The following KIAA0513 variants were observed in gnomAD, a reference collection of about 807,000 sequenced individuals.
KIAA0513 encodes KIAA0513, also known as uncharacterized protein KIAA0513.
A neutral mutation model predicts 56.5 loss-of-function variants in KIAA0513; 39 were observed. The ratio of observed to expected loss-of-function variants is 0.69; its 90% CI spans 0.53 to 0.90. The LOEUF (loss-of-function observed/expected upper bound fraction) is 0.90, where lower values mean the gene tolerates loss of function less well. Among genes scored for constraint, KIAA0513 ranks in the 40% least tolerant of loss-of-function variants. KIAA0513 has a pLI of 0.00. For missense variants in KIAA0513, 591 were observed against 535.2 expected (o/e 1.10, Z -1.03); for synonymous variants, 268 against 215.6 (o/e 1.24, Z -2.13).
At chr16:85,039,579 C>T (rs1420136660) in intron 1 of KIAA0513, among the ~76,000 whole-genome samples, 1 of 152,206 alleles carries the variant, frequency 6.6e-6, no homozygotes, top group Non-Finnish European at 1.5e-5. Flanking sequence ...ACTGGGACTA[C>T]AGACTTGGGA....
intron 1 of KIAA0513, among the ~76,000 whole-genome samples, chr16:85,046,243 A>G (rs1003292936): frequency 1.3e-5 from 2 of 152,198 alleles, no homozygotes; most frequent in African/African-American, 4.8e-5. Flanking sequence ...TCTTTCACAC[A>G]TGGCTATTCT....
chr16:85,047,515 G>T (rs550136425), intron 1 of KIAA0513, among the ~76,000 whole-genome samples: 4 of 152,294 alleles, frequency 2.6e-5, no homozygotes, highest in Non-Finnish European at 4.4e-5. Flanking sequence ...AAAAGCCAGC[G>T]GGTTTTTCAC....
intron 1 of KIAA0513, among the ~76,000 whole-genome samples, chr16:85,059,763 A>G (rs1049160421): frequency 6.6e-6 from 1 of 152,196 alleles, no homozygotes; most frequent in Non-Finnish European, 1.5e-5. Flanking sequence ...GCCAGGGAAG[A>G]TCTTCAGCTT....
chr16:85,034,306 G>T (rs537311181), intron 1 of KIAA0513, among the ~76,000 whole-genome samples: 23 of 152,278 alleles, frequency 1.5e-4, no homozygotes, highest in African/African-American at 4.3e-4. Context: ...CTTGAACCTG[G>T]GGGGTGGAGG....
intron 1 of KIAA0513, among the ~76,000 whole-genome samples, chr16:85,038,567 G>A (rs762122697): frequency 1.3e-5 from 2 of 151,898 alleles, no homozygotes; most frequent in Non-Finnish European, 1.5e-5. Flanking sequence ...AGATAGCTGG[G>A]CGTGGTGGTG....
At chr16:85,086,002 A>G (rs894763425) in intron 10 of KIAA0513, among the ~76,000 whole-genome samples, 3 of 152,206 alleles carry the variant, frequency 2.0e-5, no homozygotes, top group African/African-American at 7.2e-5. Context: ...GGAGGGGACT[A>G]GAGAGAGCAT....
chr16:85,036,060 C>T (rs975991127), intron 1 of KIAA0513, among the ~76,000 whole-genome samples: 1 of 152,040 alleles, frequency 6.6e-6, no homozygotes, highest in Non-Finnish European at 1.5e-5. Context: ...AGCAATCCTA[C>T]CGCCTTGGCC....
At chr16:85,046,227 G>T (rs1281518265) in intron 1 of KIAA0513, among the ~76,000 whole-genome samples, 3 of 152,196 alleles carry the variant, frequency 2.0e-5, no homozygotes, top group African/African-American at 7.2e-5. Context: ...GGGCAGTGCG[G>T]CTGCATCTTT....
intron 1 of KIAA0513, among the ~76,000 whole-genome samples, chr16:85,040,603 T>C (rs925296619): frequency 7.2e-5 from 11 of 152,084 alleles, no homozygotes; most frequent in Non-Finnish European, 1.5e-4. Flanking sequence ...TCTGGTAACG[T>C]TGGGAAAGTT....
chr16:85,080,591 C>T (rs12448080), intron 8 of KIAA0513, among the ~76,000 whole-genome samples: 29,691 of 152,076 alleles, frequency 0.2, 3,413 homozygotes, highest in Middle Eastern at 0.27. Flanking sequence ...GTCAGGAGCT[C>T]GAGACCAGCC....
At chr16:85,030,285 G>C (rs1441354903) in intron 1 of KIAA0513, among the ~76,000 whole-genome samples, 1 of 152,220 alleles carries the variant, frequency 6.6e-6, no homozygotes, top group Non-Finnish European at 1.5e-5. Context: ...TGAGGCAAGA[G>C]AGCACGCAGT....
At chr16:85,043,569 A>G (rs529750835) in intron 1 of KIAA0513, among the ~76,000 whole-genome samples, 173 of 150,826 alleles carry the variant, frequency 1.1e-3, no homozygotes, top group African/African-American at 4.0e-3. Context: ...GCGCCACCAC[A>G]CCCGACTAAT....
chr16:85,074,166 G>A (rs1041997852), intron 4 of KIAA0513, among the ~76,000 whole-genome samples: 1 of 151,806 alleles, frequency 6.6e-6, no homozygotes, highest in Admixed American at 6.6e-5. Flanking sequence ...GTAGAGACAG[G>A]GTTTCACCAT....
intron 1 of KIAA0513, among the ~76,000 whole-genome samples, chr16:85,045,705 C>T (rs547105783): frequency 4.6e-5 from 7 of 152,234 alleles, no homozygotes; most frequent in Admixed American, 2.6e-4. Flanking sequence ...AACCGGGATC[C>T]GTTTTGAAGA....
intron 1 of KIAA0513, among the ~76,000 whole-genome samples, chr16:85,053,629 T>C (rs1323114159): frequency 6.6e-6 from 1 of 152,152 alleles, no homozygotes; most frequent in Non-Finnish European, 1.5e-5. Context: ...TATACATTAC[T>C]AAGAAAGATT....
intron 1 of KIAA0513, among the ~76,000 whole-genome samples, chr16:85,044,329 T>C (rs2073142187): frequency 6.6e-6 from 1 of 151,956 alleles, no homozygotes; most frequent in Non-Finnish European, 1.5e-5. Flanking sequence ...CCCTGTGTCA[T>C]CTAGGGCAGG....
At chr16:85,049,253 A>G (rs2073214154) in intron 1 of KIAA0513, among the ~76,000 whole-genome samples, 1 of 152,236 alleles carries the variant, frequency 6.6e-6, no homozygotes, top group Non-Finnish European at 1.5e-5. Flanking sequence ...CCCTGGATCC[A>G]GGAGGATTTG....
chr16:85,048,787 A>T (rs943275126), intron 1 of KIAA0513, among the ~76,000 whole-genome samples: 13 of 152,240 alleles, frequency 8.5e-5, no homozygotes, highest in African/African-American at 2.7e-4. Flanking sequence ...AAATATTGTT[A>T]AACATGTATC....
chr16:85,080,808 A>G (rs1391095945), intron 8 of KIAA0513, among the ~76,000 whole-genome samples: 2 of 152,216 alleles, frequency 1.3e-5, no homozygotes, highest in Non-Finnish European at 2.9e-5. Context: ...AAATAAATAA[A>G]TAAATAAAAT....
Sources: gnomAD v4.1 joint callset for allele counts (sites outside exome capture counted in the v4.1 genomes callset) on GRCh38, gnomAD v4.1.1 for gene constraint, MANE v1.5 for transcripts, NCBI Gene and HGNC (gene_info 2026-07-23, HGNC 2026-07-21) for gene names.